The following EPRS1 variants were observed in gnomAD, a reference collection of about 807,000 sequenced individuals.
EPRS1 encodes the protein glutamyl-prolyl-tRNA synthetase 1.
EPRS1 carries 107 observed loss-of-function variants against 188.3 expected under a neutral mutation model. The observed-to-expected ratio is 0.57, with a 90% CI of 0.49 to 0.67. The LOEUF is 0.67. EPRS1 is among the 30% of genes least tolerant of loss of function. The pLI is 0.00. For synonymous variants in EPRS1, 596 were observed against 593.1 expected (o/e 1.00, Z -0.07); for missense variants, 1,577 against 1,802.2 (o/e 0.88, Z 2.26).
intron 16 of EPRS1, among the ~76,000 whole-genome samples, chr1:220,004,617 T>C (rs1571676563): frequency 6.6e-6 from 1 of 152,136 alleles, no homozygotes; most frequent in East Asian, 1.9e-4. Flanking sequence ...ACCTAGATCC[T>C]GGAATTTTGA....
At chr1:220,004,455 T>C (rs1475977486) in intron 16 of EPRS1, among the ~76,000 whole-genome samples, 2 of 152,188 alleles carry the variant, frequency 1.3e-5, no homozygotes, top group Non-Finnish European at 2.9e-5. Context: ...AGGAGATACC[T>C]GAGAGCCTGT....
chr1:219,983,228 T>C lies in EPRS1; in HGVS notation c.3261A>G (p.Leu1087=), dbSNP rs749145733. 9 of 1,614,126 alleles carry C rather than the reference T, an allele frequency of 5.6e-6. No homozygotes were observed. Among genetic ancestry groups the C allele is most frequent in the Admixed American group, 3.3e-5 (2 of 60,028 alleles). Residue 1087 remains leucine, a synonymous_variant, in exon 22 of 32, where the codon TTA becomes TTG. Transcript: ENST00000366923. ...CAGCAACATGAGTCTTCTCTTTCTC[T>C]AATGCACTTTGAGACACAAACATGG... is the stretch of plus-strand genomic sequence containing the variant. ...YFPMFVSQSA[L]EKEKTHVADF...
chr1:219,985,148 A>T (rs548738201), intron 20 of EPRS1, among the ~76,000 whole-genome samples: 4 of 152,234 alleles, frequency 2.6e-5, no homozygotes, highest in African/African-American at 9.6e-5. Context: ...AATGTAACAA[A>T]AGCTATGATT....
chr1:219,994,289 G>A (rs1661183810), intron 18 of EPRS1, among the ~76,000 whole-genome samples: 1 of 152,092 alleles, frequency 6.6e-6, no homozygotes, highest in Admixed American at 6.6e-5. Flanking sequence ...GTGTGTGAGT[G>A]TGCCCTGCAA....
At chr1:220,004,098 G>A (rs1273992317) in intron 16 of EPRS1, among the ~76,000 whole-genome samples, 1 of 152,136 alleles carries the variant, frequency 6.6e-6, no homozygotes, top group Non-Finnish European at 1.5e-5. Flanking sequence ...TGCAATTATA[G>A]GTCACTGTAA....
chr1:220,010,935 G>A lies in EPRS1; in HGVS notation c.1605+11C>T, dbSNP rs750110854. On this transcript the variant is annotated intron_variant, in intron 13 of 31. Coordinates refer to ENST00000366923, the MANE Select transcript of EPRS1 (RefSeq NM_004446.3). ...CAGAGAGAAACACATTGGTGAAACT[G>A]TAAGAGTGACCTTTGGGTGTTTGGC... 14 of 1,508,906 alleles carry A rather than the reference G, an allele frequency of 9.3e-6. No homozygotes were observed. Among genetic ancestry groups the A allele is most frequent in the Non-Finnish European group, 1.2e-5 (13 of 1,084,978 alleles). The allele number at this position is 1,508,906 out of a possible 1,614,324, so 93.5% of individuals were successfully genotyped here.
intron 12 of EPRS1, among the ~76,000 whole-genome samples, chr1:220,014,885 T>G (rs371467342): frequency 1.8e-4 from 28 of 152,130 alleles, no homozygotes; most frequent in African/African-American, 5.8e-4. Flanking sequence ...AATAAACAAA[T>G]TGGGGAGAAG....
intron 2 of EPRS1, among the ~76,000 whole-genome samples, chr1:220,038,082 C>CTTT (rs35446521): frequency 6.0e-5 from 8 of 133,934 alleles, no homozygotes; most frequent in Non-Finnish European, 9.4e-5. Flanking sequence ...TCAGCTTTAT[C>CTTT]TTTTTTTTTT....
chr1:219,983,100 A>G (rs1660931051), intron 22 of EPRS1, 89 bp downstream of exon 22: 1 of 1,109,530 alleles, frequency 9.0e-7, no homozygotes, highest in Non-Finnish European at 1.3e-6. Flanking sequence ...ATGGCTTTAT[A>G]TTTTTCAAAA....
intron 7 of EPRS1, 21 bp downstream of exon 7, chr1:220,025,111 C>A (rs1558059087): frequency 5.0e-6 from 8 of 1,607,082 alleles, no homozygotes; most frequent in South Asian, 2.2e-5. Flanking sequence ...GGCAAAGGGT[C>A]ATCACTACAC....
At chr1:219,976,011 G>T (rs1660774107) in intron 28 of EPRS1, among the ~76,000 whole-genome samples, 1 of 152,040 alleles carries the variant, frequency 6.6e-6, no homozygotes, top group Non-Finnish European at 1.5e-5. Flanking sequence ...CCTGGGCCAG[G>T]GTAGAAAAAG....
Position 220,001,218 on chromosome 1 carries a change from A to G in EPRS1, c.2101T>C (p.Tyr701His), listed in dbSNP as rs771788571. The change falls in exon 17 of 32, where the codon TAC (tyrosine) becomes CAC (histidine). Residue 701 changes from tyrosine (Y) to histidine (H), a missense_variant. Physicochemically the swap from Tyr to His is moderately conservative, Grantham distance 83. Transcript: ENST00000366923. ...TCCTTTGTGTGCCCATCAGGAATGT[A>G]TATCAAAACACACGGGGCTTCCTTG... is the stretch of plus-strand genomic sequence containing the variant. ...SCKEAPCVLIYIPDGHTKEMP... is the reference protein window; with the variant it reads ...SCKEAPCVLIHIPDGHTKEMP... 8.7e-6 allele frequency: 14 copies of G among 1,613,782 alleles called. No homozygotes were observed. The East Asian group carries it at 2.0e-4, about 23-fold the overall frequency.
At chr1:220,011,952 A>G (rs1661613880) in intron 12 of EPRS1, among the ~76,000 whole-genome samples, 1 of 152,090 alleles carries the variant, frequency 6.6e-6, no homozygotes, top group Non-Finnish European at 1.5e-5. Context: ...TGCAGAAAAC[A>G]GTGGTATAAT....
Position 219,988,669 on chromosome 1 carries a change from G to C in EPRS1, c.2696C>G (p.Pro899Arg). ...RNSEPAGLET[P>R]EAKVLFDKVA... ...TTTGTCAAAAAGTACTTTCGCTTCT[G>C]GTGTTTCTAAACCAGCAGGTTCAGA... Residue 899 changes from proline to arginine, a missense_variant, in exon 19 of 32, where the codon CCA (proline) becomes CGA (arginine). Physicochemically the swap from Pro to Arg is moderately radical, Grantham distance 103. Coordinates refer to ENST00000366923, the MANE Select transcript of EPRS1 (RefSeq NM_004446.3). 6.2e-7 allele frequency: 1 copy of C among 1,613,922 alleles called. No homozygotes were observed. The highest frequency in any genetic ancestry group is 8.5e-7 in the Non-Finnish European group (1 of 1,179,876).
chr1:219,993,924 G>T (rs536390440), intron 18 of EPRS1, among the ~76,000 whole-genome samples: 46 of 152,304 alleles, frequency 3.0e-4, no homozygotes, highest in African/African-American at 1.1e-3. Flanking sequence ...CTCTTGGGAG[G>T]ACTAAAAAGT....
chr1:219,997,285 A>T lies in EPRS1; in HGVS notation c.2239T>A (p.Ser747Thr), dbSNP rs778148444. ...TTGTAAAGGACCAAGGAATCCTCAG[A>T]TGTAGTACAATTATTATTCAGAGAA... Reference protein sequence around the residue: ...TPSLNNNCTTSEDSLVLYNRV... With the variant: ...TPSLNNNCTTTEDSLVLYNRV... Residue 747 changes from serine (S) to threonine (T), a missense_variant, in exon 18 of 32, where the codon TCT (serine) becomes ACT (threonine). Ser to Thr is a moderately conservative substitution (Grantham distance 58). Transcript: ENST00000366923. The T allele has an allele frequency of 1.9e-6, 3 of 1,613,382 alleles. No individual in the cohort carries two copies. The Admixed American group carries it at 5.0e-5, about 27-fold the overall frequency.
intron 2 of EPRS1, 27 bp downstream of exon 2, chr1:220,040,158 T>C: frequency 2.1e-6 from 3 of 1,458,128 alleles, no homozygotes; most frequent in South Asian, 1.2e-5. Context: ...CAATCAGTAC[T>C]GAAAATAAAA....
At chr1:220,032,872 C>CTGTG (rs148346959) in intron 4 of EPRS1, among the ~76,000 whole-genome samples, 1 of 150,710 alleles carries the variant, frequency 6.6e-6, no homozygotes, top group East Asian at 1.9e-4. Context: ...AGTTCCACAG[C>CTGTG]TGTGTGTGTG....
chr1:220,033,622 A>T lies in EPRS1; in HGVS notation c.268T>A (p.Ser90Thr), dbSNP rs1662125031. The change falls in exon 4 of 32, where the codon TCT becomes ACT. Residue 90 changes from serine (S) to threonine (T), a missense_variant. Ser to Thr is a moderately conservative substitution (Grantham distance 58). Transcript: ENST00000366923. The stretch of plus-strand genomic sequence containing the variant: ...GTAGAAGTAAAGGAATCACATGAAG[A>T]TAATTTTGTAGCACTGAACTCCAAC... ...HWLEFSATKLSSCDSFTSTIN... is the reference protein window; with the variant it reads ...HWLEFSATKLTSCDSFTSTIN... The T allele has an allele frequency of 6.2e-7, 1 of 1,609,670 alleles. No individual in the cohort carries two copies. The highest frequency in any genetic ancestry group is 8.5e-7 in the Non-Finnish European group (1 of 1,176,246).
Sources: allele counts gnomAD v4.1 joint callset (sites outside exome capture counted in the v4.1 genomes callset), GRCh38; gene constraint gnomAD v4.1.1; transcripts MANE v1.5; gene names NCBI Gene and HGNC (gene_info 2026-07-23, HGNC 2026-07-21).